Variants in ARHGEF7 observed in about 807,000 individuals in gnomAD.
The protein encoded by ARHGEF7 is Rho guanine nucleotide exchange factor 7, also known as PAK-interacting exchange factor beta.
Under a neutral mutation model 109.8 loss-of-function variants are expected in ARHGEF7, and 33 were observed. That is an observed-to-expected ratio of 0.30 (90% CI 0.23 to 0.40). The LOEUF (loss-of-function observed/expected upper bound fraction) is 0.40, where lower values mean the gene tolerates loss of function less well. Among genes scored for constraint, ARHGEF7 ranks in the 10% least tolerant of loss-of-function variants. The pLI, the probability that ARHGEF7 is intolerant of heterozygous loss-of-function variation, is 1.00. For missense variants in ARHGEF7, 938 were observed against 1,098.5 expected (o/e 0.85, Z 2.07); for synonymous variants, 458 against 424.6 (o/e 1.08, Z -0.97).
rs61744319 is a variant in ARHGEF7, at chr13:111,283,171, G to A, written c.1758G>A (p.Lys586=). The A allele has an allele frequency of 2.8e-4, 452 of 1,595,888 alleles. No individual in the cohort carries two copies. The African/African-American group carries it at 5.5e-3, about 19-fold the overall frequency. ...LPSHPVTPSS[K]HADSKPAPLT... is the part of the protein sequence containing the mutation. ...CCCACCCGGTCACTCCGTCCAGCAA[G>A]CACGCAGACAGCAAGCCCGCGCCGC... The change falls in exon 16 of 22, where the codon AAG becomes AAA. Residue 586 remains lysine (K), a synonymous_variant. Coordinates refer to ENST00000646102, the MANE Select transcript of ARHGEF7 (RefSeq NM_001354046.2).
At chr13:111,175,487 G>T (rs1312238379) in intron 2 of ARHGEF7, among the ~76,000 whole-genome samples, 2 of 152,188 alleles carry the variant, frequency 1.3e-5, no homozygotes, top group African/African-American at 2.4e-5. Context: ...AGGCAGAAGA[G>T]TGCCTGGGCA....
intron 20 of ARHGEF7, 68 bp downstream of exon 20, chr13:111,300,915 A>T: frequency 5.2e-6 from 5 of 952,526 alleles, no homozygotes; most frequent in Non-Finnish European, 7.8e-6. Context: ...AGTCCAGACA[A>T]CTCCCTGAGG....
intron 2 of ARHGEF7, among the ~76,000 whole-genome samples, chr13:111,184,564 C>G (rs1031076872): frequency 6.6e-6 from 1 of 152,126 alleles, no homozygotes; most frequent in Non-Finnish European, 1.5e-5. Flanking sequence ...TCTGCCTCCT[C>G]TCTCACATTC....
In ARHGEF7 at chr13:111,255,952, A is replaced by G. The variant is rs1311513607; in HGVS notation, c.951-11596A>G. ...ATTTAATGAACTTCATGAATGGTGTAATGAATTGGTATGATATTTCATTCG... is the reference window on the plus strand; with the variant it reads ...ATTTAATGAACTTCATGAATGGTGTGATGAATTGGTATGATATTTCATTCG... On this transcript the variant is annotated intron_variant, in intron 8 of 21. Coordinates refer to ENST00000646102, the MANE Select transcript of ARHGEF7 (RefSeq NM_001354046.2). This position sits in a 1 kb window ranked among gnomAD's most constrained non-coding sequence, Gnocchi z 4.1. 6.6e-6 allele frequency among the ~76,000 whole-genome samples: 1 copy of G among 152,212 alleles called. No homozygotes were observed. The highest frequency in any genetic ancestry group is 1.5e-5 in the Non-Finnish European group (1 of 68,040).
At chr13:111,123,257 G>A (rs1462662025) in intron 1 of ARHGEF7, among the ~76,000 whole-genome samples, 2 of 152,194 alleles carry the variant, frequency 1.3e-5, no homozygotes, top group African/African-American at 4.8e-5. Flanking sequence ...GAGACCCCAG[G>A]GCTTGGGTGC....
At chr13:111,170,344 C>T (rs751016456) in intron 2 of ARHGEF7, among the ~76,000 whole-genome samples, 2 of 152,220 alleles carry the variant, frequency 1.3e-5, no homozygotes, top group African/African-American at 2.4e-5. Flanking sequence ...GTGATCCACC[C>T]GCCTTGGCCT....
At chr13:111,264,429 G>A (rs947473305) in intron 8 of ARHGEF7, among the ~76,000 whole-genome samples, 1 of 152,164 alleles carries the variant, frequency 6.6e-6, no homozygotes, top group Non-Finnish European at 1.5e-5. Flanking sequence ...AAGCATGGTA[G>A]AGAAGGCAGG....
At chr13:111,189,122 G>A (rs2079568500) in intron 2 of ARHGEF7, among the ~76,000 whole-genome samples, 1 of 152,222 alleles carries the variant, frequency 6.6e-6, no homozygotes, top group Non-Finnish European at 1.5e-5. Context: ...TAGGAGGTTG[G>A]CTGGAACACC....
At chr13:111,302,248 G>T (rs2093585928) in intron 21 of ARHGEF7, among the ~76,000 whole-genome samples, 1 of 152,088 alleles carries the variant, frequency 6.6e-6, no homozygotes, top group South Asian at 2.1e-4. Context: ...TTGGTCCTCT[G>T]CCCAGCTAGG....
chr13:111,142,257 G>A (rs1358408266), intron 1 of ARHGEF7, among the ~76,000 whole-genome samples: 1 of 152,054 alleles, frequency 6.6e-6, no homozygotes, highest in Non-Finnish European at 1.5e-5. Flanking sequence ...CTCCCTGTTG[G>A]TGGCTTGTCT....
chr13:111,202,977 T>C, intron 2 of ARHGEF7: 1 of 823,488 alleles, frequency 1.2e-6, no homozygotes, highest in Admixed American at 4.2e-5. Flanking sequence ...TTGAAGCCCA[T>C]TGGTGGGCAG....
At chr13:111,130,523 T>G (rs2074687329) in intron 1 of ARHGEF7, among the ~76,000 whole-genome samples, 1 of 152,230 alleles carries the variant, frequency 6.6e-6, no homozygotes, top group Non-Finnish European at 1.5e-5. Flanking sequence ...TATGTTTTAT[T>G]AGGGGAAGTG....
At chr13:111,146,543 A>T (rs936758371) in intron 1 of ARHGEF7, among the ~76,000 whole-genome samples, 1 of 152,204 alleles carries the variant, frequency 6.6e-6, no homozygotes, top group African/African-American at 2.4e-5. Flanking sequence ...CCCTGGGGAG[A>T]TAAATACTTC....
intron 1 of ARHGEF7, among the ~76,000 whole-genome samples, chr13:111,147,449 T>C (rs1179754583): frequency 6.6e-6 from 1 of 152,234 alleles, no homozygotes; most frequent in Non-Finnish European, 1.5e-5. Context: ...GAGATTGAAC[T>C]GTTTTTCACG....
At chr13:111,188,273 C>T (rs1000101823) in intron 2 of ARHGEF7, among the ~76,000 whole-genome samples, 20 of 152,200 alleles carry the variant, frequency 1.3e-4, no homozygotes, top group Non-Finnish European at 2.6e-4. Context: ...GACATCTCAA[C>T]GACCTCCCCT....
chr13:111,136,860 A>G (rs1361765469), intron 1 of ARHGEF7, among the ~76,000 whole-genome samples: 1 of 152,238 alleles, frequency 6.6e-6, no homozygotes, highest in East Asian at 1.9e-4. Context: ...AGACTAATAA[A>G]GAAGAAAAGA....
Position 111,198,352 on chromosome 13 carries a change from C to T in ARHGEF7, c.253-6937C>T, listed in dbSNP as rs139237750. Reference sequence around the variant, plus strand: ...AAAATGTGTCCAGAATTGGTTCCTTCTGGTGGGTTCTTGGTCTCGCTGACT... The same window carrying T: ...AAAATGTGTCCAGAATTGGTTCCTTTTGGTGGGTTCTTGGTCTCGCTGACT... On this transcript the variant is annotated intron_variant, in intron 2 of 21. Transcript: ENST00000646102. Among the ~76,000 whole-genome samples, 910 of 152,280 alleles carry T rather than the reference C, an allele frequency of 6.0e-3. 6 individuals carry two copies. Among genetic ancestry groups the T allele is most frequent in the African/African-American group, 0.021 (859 of 41,552 alleles).
chr13:111,209,850 T>C (rs368325547), intron 3 of ARHGEF7, 22 bp from the exon 4 acceptor site: 9 of 1,611,036 alleles, frequency 5.6e-6, no homozygotes, highest in African/African-American at 4.0e-5. Flanking sequence ...GCTCTCTTTT[T>C]CTGTGTGCAT....
Position 111,273,285 on chromosome 13 carries a change from C to G in ARHGEF7, c.1074-529C>G, listed in dbSNP as rs1284152963. The stretch of plus-strand genomic sequence containing the variant: ...CAGCGTTTGCTCTCTTCTCTTGCTG[C>G]TTCTCGTGCTCCTCACCCCAAGAGC... On this transcript the variant is annotated intron_variant, in intron 9 of 21. Transcript: ENST00000646102. This position sits in a 1 kb window ranked among gnomAD's most constrained non-coding sequence, Gnocchi z 4.5. Among the ~76,000 whole-genome samples, 1 of 152,242 alleles carries G rather than the reference C, an allele frequency of 6.6e-6. No homozygotes were observed. The highest frequency in any genetic ancestry group is 1.5e-5 in the Non-Finnish European group (1 of 68,052).
Sources: gnomAD v4.1 joint callset for allele counts (sites outside exome capture counted in the v4.1 genomes callset) on GRCh38, gnomAD v4.1.1 for gene constraint, Gnocchi (gnomAD v3.1) non-coding constraint, MANE v1.5 for transcripts, NCBI Gene and HGNC (gene_info 2026-07-23, HGNC 2026-07-21) for gene names.